The following SMPD4 variants were observed in gnomAD, a reference collection of about 807,000 sequenced individuals.
The protein encoded by SMPD4 is sphingomyelin phosphodiesterase 4, also known as neutral sphingomyelinase 3.
In SMPD4, 58 loss-of-function variants were observed where a neutral mutation model predicts 97.8. That is an observed-to-expected ratio of 0.59 (90% confidence interval 0.48 to 0.74). SMPD4 has a LOEUF of 0.74. Among genes scored for constraint, SMPD4 ranks in the 30% least tolerant of loss-of-function variants. The probability of loss-of-function intolerance (pLI) is 0.00; values close to 1 mark genes in which losing one functional copy is unlikely to be tolerated. For synonymous variants in SMPD4, 388 were observed against 450.0 expected (o/e 0.86, Z 1.74); for missense variants, 853 against 1,080.5 (o/e 0.79, Z 2.95).
At chr2:130,161,298 G>T (rs373161005) in intron 10 of SMPD4, 26 bp from the exon 11 acceptor site, 1 of 1,606,498 alleles carries the variant, frequency 6.2e-7, no homozygotes, top group Non-Finnish European at 8.5e-7. Flanking sequence ...GAGAGATGCC[G>T]GAAGAGGCCG....
At chr2:130,178,338 C>A (rs1401413894) in intron 1 of SMPD4, among the ~76,000 whole-genome samples, 2 of 152,168 alleles carry the variant, frequency 1.3e-5, no homozygotes, top group African/African-American at 4.8e-5. Context: ...AATTCACTTA[C>A]CCCCACCCAG....
At chr2:130,172,702 A>C (rs1192625086) in intron 6 of SMPD4, 25 bp from the exon 7 acceptor site, 2 of 1,614,098 alleles carry the variant, frequency 1.2e-6, no homozygotes, top group Admixed American at 1.7e-5. Context: ...AGGGGCAAAC[A>C]TGCAGGGTTG....
intron 8 of SMPD4, among the ~76,000 whole-genome samples, chr2:130,168,762 C>A (rs1224186078): frequency 1.3e-5 from 2 of 149,708 alleles, no homozygotes; most frequent in Non-Finnish European, 3.0e-5. Context: ...CACTCTGTAG[C>A]CCAGGCTGGA....
intron 9 of SMPD4, 34 bp downstream of exon 9, chr2:130,167,424 C>T (rs368355740): frequency 6.2e-7 from 1 of 1,611,790 alleles, no homozygotes; most frequent in South Asian, 1.1e-5. Context: ...GCCCAGCTGG[C>T]TGAACAGTTT....
intron 10 of SMPD4, among the ~76,000 whole-genome samples, chr2:130,162,563 T>C (rs1280755597): frequency 2.6e-5 from 4 of 152,172 alleles, no homozygotes; most frequent in Non-Finnish European, 5.9e-5. Flanking sequence ...TACAGCGCCA[T>C]GGCCATCCTT....
intron 1 of SMPD4, chr2:130,181,223 A>G (rs1198559060): frequency 3.3e-6 from 4 of 1,219,954 alleles, no homozygotes; most frequent in Non-Finnish European, 1.0e-6. Context: ...GTTGAGCCCA[A>G]GGCTCAACTT....
At position 130,155,129 on chromosome 2, in the gene SMPD4, C is replaced by G. The variant is rs776899948; in HGVS notation, c.1420G>C (p.Ala474Pro). The change falls in exon 15 of 20, where the codon GCC (alanine) becomes CCC (proline). Residue 474 changes from alanine (A) to proline (P), a missense_variant. Around this residue, in one of 3 missense-constraint regions of SMPD4, gnomAD observed 511 missense variants for 608.1 expected, o/e 0.84. Transcript: ENST00000680298. ...ATCATCTCAGCCAGGTTGGGCTGGGCAAAGACTTTGGCCACTCGGAACACC... is the reference window on the plus strand; with the variant it reads ...ATCATCTCAGCCAGGTTGGGCTGGGGAAAGACTTTGGCCACTCGGAACACC... ...LMVFRVAKVF[A>P]QPNLAEMIQK... 6.2e-7 allele frequency: 1 copy of G among 1,614,190 alleles called. No homozygotes were observed. Among genetic ancestry groups the G allele is most frequent in the Non-Finnish European group, 8.5e-7 (1 of 1,180,044 alleles).
chr2:130,177,174 G>A (rs150506076), intron 1 of SMPD4, among the ~76,000 whole-genome samples: 6,599 of 152,220 alleles, frequency 0.043, 420 homozygotes, highest in African/African-American at 0.15. Flanking sequence ...TCAAACTCCT[G>A]AGCTCAAGTG....
At position 130,181,551 on chromosome 2, in the gene SMPD4, T is replaced by C. The variant is rs1689643389; in HGVS notation, c.-67A>G. 6.2e-7 allele frequency: 1 copy of C among 1,605,918 alleles called. No individual in the cohort carries two copies. On this transcript the variant is annotated 5_prime_UTR_variant, in exon 1 of 20. Coordinates refer to ENST00000680298, the MANE Select transcript of SMPD4 (RefSeq NM_017951.5). ...TCACCTGTGGGATCCATAGCGTCGC[T>C]CGCCTCAGAGATGGAAGCCGCCATT...
chr2:130,153,021 G>C (rs940353024), intron 19 of SMPD4, 22 bp downstream of exon 19: 2 of 1,604,276 alleles, frequency 1.2e-6, no homozygotes, highest in South Asian at 2.2e-5. Context: ...AAGACGCCAG[G>C]CCAGCCCTCC....
At chr2:130,154,591 G>A in intron 15 of SMPD4, 109 bp from the exon 16 acceptor site, 1 of 1,478,036 alleles carries the variant, frequency 6.8e-7, no homozygotes. Context: ...CCATGACCCA[G>A]GGGTGTCCTC....
rs537898174 is a variant in SMPD4, at chr2:130,175,632, G to A, written c.40-632C>T. On this transcript the variant is annotated intron_variant, in intron 2 of 19. Coordinates refer to ENST00000680298, the MANE Select transcript of SMPD4 (RefSeq NM_017951.5). ...GAGGCCAGAAAAGACTCAGGACAAGGACTAATGAAATCTACCTAGTCGTGG... is the reference window on the plus strand; with the variant it reads ...GAGGCCAGAAAAGACTCAGGACAAGAACTAATGAAATCTACCTAGTCGTGG... Among the ~76,000 whole-genome samples, 7 of 152,316 alleles carry A rather than the reference G, an allele frequency of 4.6e-5. No individual in the cohort carries two copies. The South Asian group carries it at 1.4e-3, about 32-fold the overall frequency.
At chr2:130,174,082 G>A (rs1343545910) in intron 3 of SMPD4, among the ~76,000 whole-genome samples, 4 of 152,138 alleles carry the variant, frequency 2.6e-5, no homozygotes, top group South Asian at 2.1e-4. Flanking sequence ...GTGCAGTGGC[G>A]CAATTATGGC....
At chr2:130,175,128 G>T in intron 2 of SMPD4, 128 bp from the exon 3 acceptor site, 1 of 641,550 alleles carries the variant, frequency 1.6e-6, no homozygotes, top group Non-Finnish European at 2.9e-6. Flanking sequence ...CTCTGGCCTG[G>T]TTCCCCAGCC....
Position 130,155,237 on chromosome 2 carries a change from G to C in SMPD4, c.1312C>G (p.Leu438Val). The change falls in exon 15 of 20, where the codon CTG becomes GTG. Residue 438 changes from leucine to valine, a missense_variant. Transcript: ENST00000680298. ...EKWAPFVQEN[L>V]LMYTKLFVGF... Reference sequence around the variant, plus strand: ...ACAAACAACTTGGTGTACATCAGCAGGTTCTCCTGGACAAAGGGTGCCCTG... The same window carrying C: ...ACAAACAACTTGGTGTACATCAGCACGTTCTCCTGGACAAAGGGTGCCCTG... 1 of 1,614,170 alleles carries C rather than the reference G, an allele frequency of 6.2e-7. No individual in the cohort carries two copies. The highest frequency in any genetic ancestry group is 1.7e-5 in the Admixed American group (1 of 60,034).
intron 8 of SMPD4, among the ~76,000 whole-genome samples, chr2:130,171,844 C>G (rs1688495292): frequency 6.6e-6 from 1 of 152,206 alleles, no homozygotes; most frequent in African/African-American, 2.4e-5. Flanking sequence ...TGCGTTAGTG[C>G]CCACTGAGGA....
chr2:130,172,428 A>G lies in SMPD4; in HGVS notation c.580T>C (p.Trp194Arg). 6.2e-7 allele frequency: 1 copy of G among 1,612,320 alleles called. No individual in the cohort carries two copies. Among genetic ancestry groups the G allele is most frequent in the South Asian group, 1.1e-5 (1 of 90,814 alleles). Residue 194 changes from tryptophan to arginine, a missense_variant, in exon 8 of 20, where the codon TGG becomes CGG. Physicochemically the swap from Trp to Arg is moderately radical, Grantham distance 101. Coordinates refer to ENST00000680298, the MANE Select transcript of SMPD4 (RefSeq NM_017951.5). Reference protein sequence around the residue: ...YFILVDRYLSWFLPTEGSVPP... With the variant: ...YFILVDRYLSRFLPTEGSVPP... ...ACACTGCCTTCGGTGGGCAGGAACCATGACAGGTACCTGTCCACCAGGATG... is the reference window on the plus strand; with the variant it reads ...ACACTGCCTTCGGTGGGCAGGAACCGTGACAGGTACCTGTCCACCAGGATG...
At chr2:130,174,729 G>C (rs1573727542) in intron 3 of SMPD4, among the ~76,000 whole-genome samples, 185 bp downstream of exon 3, 1 of 152,196 alleles carries the variant, frequency 6.6e-6, no homozygotes. Context: ...CTGTGGCTGA[G>C]AACCCCTGAT....
Position 130,172,669 on chromosome 2 carries a change from C to G in SMPD4, c.463G>C (p.Glu155Gln). The G allele has an allele frequency of 6.2e-7, 1 of 1,614,206 alleles. No individual in the cohort carries two copies. Among genetic ancestry groups the G allele is most frequent in the Non-Finnish European group, 8.5e-7 (1 of 1,180,046 alleles). The change falls in exon 7 of 20, where the codon GAG becomes CAG. Residue 155 changes from glutamate to glutamine, a missense_variant. By Grantham distance (29) the Glu-to-Gln change is conservative. Coordinates refer to ENST00000680298, the MANE Select transcript of SMPD4 (RefSeq NM_017951.5). ...AAGGCAAAGAAGAATATGTAATACT[C>G]GAACGGATCTGAGAGCAGCGTCAGG... is the stretch of plus-strand genomic sequence containing the variant. ...LGLNLALNPF[E>Q]YYIFFFALSL...
Sources: allele counts gnomAD v4.1 joint callset (sites outside exome capture counted in the v4.1 genomes callset), GRCh38; gene constraint gnomAD v4.1.1; regional missense constraint gnomAD v4.1.1; transcripts MANE v1.5; gene names NCBI Gene and HGNC (gene_info 2026-07-23, HGNC 2026-07-21).